The following DYRK1A variants were observed in gnomAD, a reference collection of about 807,000 sequenced individuals.
The protein encoded by DYRK1A is dual specificity tyrosine phosphorylation regulated kinase 1A, also known as dual specificity tyrosine-phosphorylation-regulated kinase 1A.
A neutral mutation model predicts 79.7 loss-of-function variants in DYRK1A; 9 were observed. The observed-to-expected ratio is 0.11, with a 90% confidence interval of 0.07 to 0.20. The LOEUF is 0.20. DYRK1A is among the 10% of genes least tolerant of loss of function. The pLI, the probability that DYRK1A is intolerant of heterozygous loss-of-function variation, is 1.00. For synonymous variants in DYRK1A, 349 were observed against 329.7 expected, an observed-to-expected ratio of 1.06 and a Z score of -0.63; for missense variants, 622 against 956.0, an observed-to-expected ratio of 0.65 and a Z score of 4.61.
chr21:37,458,844 C>G, intron 2 of DYRK1A, among the ~76,000 whole-genome samples: 1 of 152,166 alleles, frequency 6.6e-6, no homozygotes, highest in Middle Eastern at 3.2e-3. Context: ...TTGTGGTTAC[C>G]ATGTCCAGGC....
chr21:37,487,535 A>AT (rs1169940344), intron 6 of DYRK1A: 2 of 152,184 alleles, frequency 1.3e-5, no homozygotes, highest in African/African-American at 2.4e-5. Flanking sequence ...TCAATCGAAG[A>AT]TACAGACCTT....
chr21:37,490,125 C>G (rs1446432434), intron 6 of DYRK1A, 50 bp from the exon 7 acceptor site: 2 of 1,526,162 alleles, frequency 1.3e-6, no homozygotes, highest in Non-Finnish European at 8.9e-7. Flanking sequence ...GTTTGTTACT[C>G]TCAGTTTATT....
intron 1 of DYRK1A, among the ~76,000 whole-genome samples, chr21:37,402,017 A>G (rs1306742755): frequency 2.6e-5 from 4 of 152,196 alleles, no homozygotes; most frequent in African/African-American, 7.2e-5. Flanking sequence ...TGCCAAATGT[A>G]GTAGCCATAA....
intron 5 of DYRK1A, among the ~76,000 whole-genome samples, chr21:37,482,389 C>T (rs960857426): frequency 3.3e-5 from 5 of 152,084 alleles, no homozygotes; most frequent in East Asian, 1.9e-4. Flanking sequence ...CATCACATGT[C>T]GGTAGGTTCT....
At chr21:37,417,529 C>CTT (rs3216074) in intron 1 of DYRK1A, among the ~76,000 whole-genome samples, 617 of 43,962 alleles carry the variant, frequency 0.014, 22 homozygotes, top group African/African-American at 0.021. Context: ...TTTTCTTTTT[C>CTT]TTTTTTTTTT....
intron 1 of DYRK1A, among the ~76,000 whole-genome samples, chr21:37,393,000 A>G (rs894473592): frequency 2.6e-4 from 40 of 152,368 alleles, no homozygotes; most frequent in Middle Eastern, 3.4e-3. Context: ...GCATTAACCA[A>G]TCTGTGAGGG....
At chr21:37,504,095 T>C (rs1321926686) in intron 9 of DYRK1A, 3 of 152,284 alleles carry the variant, frequency 2.0e-5, no homozygotes, top group African/African-American at 7.2e-5. Flanking sequence ...GTAGCTTAGC[T>C]GACTCTGGGC....
chr21:37,415,682 G>T (rs2050324088), intron 1 of DYRK1A: 1 of 152,032 alleles, frequency 6.6e-6, no homozygotes, highest in African/African-American at 2.4e-5. Context: ...GCCCAGGCTG[G>T]TCTCCAACTC....
chr21:37,373,054 G>A (rs1000190901), intron 1 of DYRK1A, among the ~76,000 whole-genome samples: 1 of 152,158 alleles, frequency 6.6e-6, no homozygotes, highest in African/African-American at 2.4e-5. Context: ...TAACTCCAGT[G>A]CCTGGCACAT....
At chr21:37,505,884 A>G (rs1002793511) in intron 10 of DYRK1A, among the ~76,000 whole-genome samples, 13 of 152,130 alleles carry the variant, frequency 8.5e-5, no homozygotes, top group Admixed American at 3.9e-4. Context: ...CCTTAACCAG[A>G]CTTCATTGTA....
Position 37,519,070 on chromosome 21 carries a change from T to A in DYRK1A, c.*6539T>A, listed in dbSNP as rs542826857. The A allele has an allele frequency of 6.6e-6, 1 of 152,356 alleles. No homozygotes were observed. Among genetic ancestry groups the A allele is most frequent in the Non-Finnish European group, 1.5e-5 (1 of 68,034 alleles). 9.4% of individuals were successfully genotyped at this position (152,356 alleles called of 1,614,324 possible). A position where few individuals can be genotyped will look rare whatever the true frequency, so the allele number is the denominator to read the frequency against. On this transcript the variant is annotated 3_prime_UTR_variant, in exon 12 of 12. Coordinates refer to ENST00000647188, the MANE Select transcript of DYRK1A (RefSeq NM_001347721.2). The stretch of plus-strand genomic sequence containing the variant: ...AAGTATATAAAACTTACACAGTTTG[T>A]TCCTTTTTGTTGTCTTCCCTTGTGG...
intron 2 of DYRK1A, among the ~76,000 whole-genome samples, chr21:37,450,664 T>C (rs2051417490): frequency 6.6e-6 from 1 of 152,170 alleles, no homozygotes; most frequent in Admixed American, 6.5e-5. Context: ...TAGGAGCTCG[T>C]GAGAGTTCCC....
rs576866897 is a variant in DYRK1A, at chr21:37,523,462, TAA to T, written c.*10932_*10933del. The T allele has an allele frequency of 6.2e-4, 94 of 152,102 alleles. No homozygotes were observed. Among genetic ancestry groups the T allele is most frequent in the African/African-American group, 1.9e-3 (78 of 41,474 alleles). The allele number at this position is 152,102 out of a possible 1,614,324, so 9.4% of individuals were successfully genotyped here. On this transcript the variant is annotated 3_prime_UTR_variant, in exon 12 of 12. Transcript: ENST00000647188. ...GTAGGGTTGTAAATGGAAGAAAAAA[TAA>T]GAGAGATTCATTATGTTCTAATGAC...
chr21:37,425,726 T>TC (rs1192565868), intron 2 of DYRK1A: 1 of 152,220 alleles, frequency 6.6e-6, no homozygotes, highest in Admixed American at 6.5e-5. Context: ...AACCAAAACG[T>TC]CACATTCAGC....
intron 3 of DYRK1A, among the ~76,000 whole-genome samples, chr21:37,474,198 C>T (rs985488812): frequency 4.6e-5 from 7 of 152,094 alleles, no homozygotes; most frequent in African/African-American, 9.7e-5. Flanking sequence ...GTGTCTACAG[C>T]GGGCTAGGAA....
At chr21:37,389,443 G>A (rs1322142457) in intron 1 of DYRK1A, among the ~76,000 whole-genome samples, 1 of 152,168 alleles carries the variant, frequency 6.6e-6, no homozygotes, top group East Asian at 1.9e-4. Context: ...TTGGAATACA[G>A]GTGTGAGCTA....
chr21:37,496,906 A>G (rs990142474), intron 9 of DYRK1A, among the ~76,000 whole-genome samples: 1 of 152,194 alleles, frequency 6.6e-6, no homozygotes, highest in African/African-American at 2.4e-5. Context: ...TGTCAGTTTA[A>G]TAGAGTAAAT....
Position 37,386,840 on chromosome 21 carries a change from C to T in DYRK1A, c.-77+19212C>T, listed in dbSNP as rs115902098. Reference sequence around the variant, plus strand: ...TTGCGGCAGTGTCAGGAGTTGGATTCAGATGCAACAGTGCCCATGGGAAGA... The same window carrying T: ...TTGCGGCAGTGTCAGGAGTTGGATTTAGATGCAACAGTGCCCATGGGAAGA... On this transcript the variant is annotated intron_variant, in intron 1 of 11. Coordinates refer to ENST00000647188, the MANE Select transcript of DYRK1A (RefSeq NM_001347721.2). Among the ~76,000 whole-genome samples, 454 of 152,270 alleles carry T rather than the reference C, an allele frequency of 3.0e-3. 4 individuals are homozygous for T. Among genetic ancestry groups the T allele is most frequent in the African/African-American group, 0.011 (438 of 41,552 alleles).
At chr21:37,374,327 A>C (rs1270550230) in intron 1 of DYRK1A, among the ~76,000 whole-genome samples, 1 of 150,396 alleles carries the variant, frequency 6.6e-6, no homozygotes, top group Non-Finnish European at 1.5e-5. Flanking sequence ...AGAGATATTT[A>C]AACGTACATT....
Sources: allele counts gnomAD v4.1 joint callset (sites outside exome capture counted in the v4.1 genomes callset), GRCh38; gene constraint gnomAD v4.1.1; transcripts MANE v1.5; gene names NCBI Gene and HGNC (gene_info 2026-07-23, HGNC 2026-07-21).